The following KLRG1 variants were observed in gnomAD, a reference collection of about 807,000 sequenced individuals.
KLRG1 encodes killer cell lectin-like receptor subfamily G member 1.
Under a neutral mutation model 21.8 loss-of-function variants are expected in KLRG1, and 16 were observed. The ratio of observed to expected loss-of-function variants is 0.73; its 90% CI spans 0.50 to 1.11. The LOEUF is 1.11. KLRG1 is among the 50% of genes most tolerant of loss of function. The pLI, the probability that KLRG1 is intolerant of heterozygous loss-of-function variation, is 0.00. For missense variants in KLRG1, 173 were observed against 218.3 expected, an observed-to-expected ratio of 0.79 and a Z score of 1.31; for synonymous variants, 69 against 75.9, an observed-to-expected ratio of 0.91 and a Z score of 0.47.
chr12:9,095,742 C>CT, the KLRG1 span: 39,030 of 290,804 alleles, frequency 0.13, 7,957 homozygotes, highest in African/African-American at 0.33. Flanking sequence ...TTATTTGTGA[C>CT]TTTTTTTTTT....
At chr12:9,109,909 A>T in the KLRG1 span, 6 of 1,612,912 alleles carry the variant, frequency 3.7e-6, no homozygotes, top group Non-Finnish European at 5.1e-6. Flanking sequence ...CTTCCACCTG[A>T]TTTCTTCTGT....
At chr12:9,150,386 G>C in the KLRG1 span, among the ~76,000 whole-genome samples, 1 of 152,100 alleles carries the variant, frequency 6.6e-6, no homozygotes, top group Non-Finnish European at 1.5e-5. Context: ...AGGCTTACAC[G>C]ATTCTCCTGC....
the KLRG1 span, among the ~76,000 whole-genome samples, chr12:9,188,910 C>T: frequency 1.3e-5 from 2 of 151,958 alleles, no homozygotes; most frequent in Non-Finnish European, 2.9e-5. Context: ...ATTCCATGCT[C>T]ATAGATAGGA....
the KLRG1 span, chr12:9,160,498 A>T: frequency 1.3e-5 from 21 of 1,606,838 alleles, no homozygotes; most frequent in Admixed American, 1.7e-5. Context: ...CACCTGGGGA[A>T]TGTGAAAGAT....
chr12:9,143,793 T>A, the KLRG1 span, among the ~76,000 whole-genome samples: 1 of 152,200 alleles, frequency 6.6e-6, no homozygotes, highest in Non-Finnish European at 1.5e-5. Flanking sequence ...AAGCCAAGTT[T>A]GGCAAGGCTG....
At chr12:8,957,950 A>G (rs1946322278) in intron 1 of KLRG1, among the ~76,000 whole-genome samples, 1 of 152,222 alleles carries the variant, frequency 6.6e-6, no homozygotes, top group Admixed American at 6.5e-5. Context: ...CCTGCAGATA[A>G]GGGTGGGGAA....
At chr12:9,098,107 AC>A in the KLRG1 span, among the ~76,000 whole-genome samples, 2 of 152,198 alleles carry the variant, frequency 1.3e-5, no homozygotes, top group African/African-American at 4.8e-5. Context: ...TGGTCTTTTT[AC>A]ATTTTAAATA....
At chr12:9,126,378 G>A in the KLRG1 span, among the ~76,000 whole-genome samples, 1 of 152,196 alleles carries the variant, frequency 6.6e-6, no homozygotes, top group Non-Finnish European at 1.5e-5. Context: ...TGTGTATGAA[G>A]CAACTTTTCA....
the KLRG1 span, among the ~76,000 whole-genome samples, chr12:9,103,961 T>C: frequency 3.5e-4 from 53 of 152,360 alleles, no homozygotes; most frequent in African/African-American, 1.2e-3. Context: ...TTGGTAATTC[T>C]ATTTTTTAAT....
the KLRG1 span, chr12:9,070,650 T>C: frequency 9.7e-7 from 1 of 1,028,224 alleles, no homozygotes; most frequent in Non-Finnish European, 1.5e-6. Context: ...ATGTCCATGT[T>C]AAGCATTCCA....
chr12:8,951,095 C>T (rs1284445900), intron 1 of KLRG1, among the ~76,000 whole-genome samples: 2 of 152,072 alleles, frequency 1.3e-5, no homozygotes, highest in Non-Finnish European at 2.9e-5. Flanking sequence ...TCAGATAACA[C>T]AGAAAACAAC....
chr12:9,079,790 T>G, the KLRG1 span: 13 of 1,611,472 alleles, frequency 8.1e-6, no homozygotes, highest in Non-Finnish European at 1.1e-5. Context: ...TTTGTGTGTT[T>G]TGCATGGCAG....
chr12:9,159,810 T>G, the KLRG1 span: 1 of 822,426 alleles, frequency 1.2e-6, no homozygotes, highest in South Asian at 1.9e-5. Flanking sequence ...AGAAATAAAT[T>G]TCTTTTCTTT....
At chr12:9,094,571 A>C in the KLRG1 span, among the ~76,000 whole-genome samples, 1 of 151,934 alleles carries the variant, frequency 6.6e-6, no homozygotes, top group African/African-American at 2.4e-5. Flanking sequence ...ACAATATGGG[A>C]CTATAAATAA....
the KLRG1 span, chr12:9,090,578 G>C: frequency 1.5e-6 from 2 of 1,344,100 alleles, no homozygotes; most frequent in African/African-American, 2.9e-5. Context: ...TTAGATTTCA[G>C]GTTGCCTCAC....
chr12:9,162,596 C>A, the KLRG1 span: 1 of 1,581,568 alleles, frequency 6.3e-7, no homozygotes, highest in Non-Finnish European at 8.7e-7. Flanking sequence ...TGGACTCTTA[C>A]CTGAGGCACA....
At chr12:9,163,540 G>T in the KLRG1 span, 1 of 1,092,362 alleles carries the variant, frequency 9.2e-7, no homozygotes, top group Non-Finnish European at 1.3e-6. Flanking sequence ...TGCTTTTAGG[G>T]CAGGAAATTC....
chr12:9,100,730 A>T, the KLRG1 span, among the ~76,000 whole-genome samples: 5 of 152,236 alleles, frequency 3.3e-5, no homozygotes, highest in Admixed American at 2.0e-4. Context: ...GTTACTTGAA[A>T]GTATTCCTGA....
the KLRG1 span, among the ~76,000 whole-genome samples, chr12:9,178,206 TAAAC>T: frequency 1.3e-5 from 2 of 152,222 alleles, no homozygotes; most frequent in African/African-American, 4.8e-5. Flanking sequence ...AATTCAGAAA[TAAAC>T]AATTCATACG....
Sources: gnomAD v4.1 joint callset for allele counts (sites outside exome capture counted in the v4.1 genomes callset) on GRCh38, gnomAD v4.1.1 for gene constraint, MANE v1.5 for transcripts, NCBI Gene and HGNC (gene_info 2026-07-23, HGNC 2026-07-21) for gene names.